The following PKHD1 variants were observed in gnomAD, a reference collection of about 807,000 sequenced individuals.
The protein encoded by PKHD1 is fibrocystin.
In PKHD1, 291 loss-of-function variants were observed where a neutral mutation model predicts 412.0. The observed-to-expected ratio is 0.71, with a 90% confidence interval of 0.64 to 0.78. The LOEUF (loss-of-function observed/expected upper bound fraction) is 0.78. Among genes scored for constraint, PKHD1 ranks in the 30% least tolerant of loss-of-function variants. The probability of loss-of-function intolerance (pLI) is 0.00; values close to 1 mark genes in which losing one functional copy is unlikely to be tolerated. For synonymous variants in PKHD1, 1,777 were observed against 1,821.5 expected (o/e 0.98, Z 0.62); for missense variants, 4,825 against 4,950.7 (o/e 0.97, Z 0.76).
intron 55 of PKHD1, among the ~76,000 whole-genome samples, chr6:51,759,874 G>C (rs1257235822): frequency 6.6e-6 from 1 of 152,070 alleles, no homozygotes; most frequent in Non-Finnish European, 1.5e-5. Context: ...ACTAGAATTA[G>C]TCTGCCTGCC....
intron 51 of PKHD1, among the ~76,000 whole-genome samples, chr6:51,835,679 T>A (rs1769080658): frequency 6.6e-6 from 1 of 152,184 alleles, no homozygotes; most frequent in Non-Finnish European, 1.5e-5. Flanking sequence ...CATAGTCCAA[T>A]AAGCATGGAG....
intron 37 of PKHD1, among the ~76,000 whole-genome samples, chr6:51,929,022 AG>A (rs760624464): frequency 6.6e-6 from 1 of 152,198 alleles, no homozygotes; most frequent in Non-Finnish European, 1.5e-5. Context: ...ATCTAGCTCA[AG>A]GGAACGAGAG....
chr6:52,059,045 C>T (rs1401727327), intron 15 of PKHD1, among the ~76,000 whole-genome samples: 1 of 152,174 alleles, frequency 6.6e-6, no homozygotes, highest in Non-Finnish European at 1.5e-5. Context: ...TTGTCAATAG[C>T]ATAAGTGCAT....
intron 57 of PKHD1, among the ~76,000 whole-genome samples, chr6:51,750,342 G>A (rs78593713): frequency 3.2e-4 from 48 of 152,266 alleles, no homozygotes; most frequent in East Asian, 5.8e-4. Flanking sequence ...AACCTGCTTC[G>A]TAGAACTTTG....
At chr6:52,017,167 GA>G (rs1214579692) in intron 34 of PKHD1, among the ~76,000 whole-genome samples, 1 of 152,188 alleles carries the variant, frequency 6.6e-6, no homozygotes, top group African/African-American at 2.4e-5. Context: ...ATCTAAGCAA[GA>G]ACAAAGCGAG....
At chr6:51,806,368 C>G (rs1023281896) in intron 52 of PKHD1, among the ~76,000 whole-genome samples, 1 of 151,998 alleles carries the variant, frequency 6.6e-6, no homozygotes, top group Non-Finnish European at 1.5e-5. Context: ...CAAGAACAAC[C>G]CTGAGCAATT....
intron 33 of PKHD1, among the ~76,000 whole-genome samples, chr6:52,022,393 C>T (rs1015059150): frequency 1.3e-5 from 2 of 152,178 alleles, no homozygotes; most frequent in African/African-American, 2.4e-5. Flanking sequence ...ATCTCCATCC[C>T]TTTACTGGTA....
chr6:51,791,438 G>T lies in PKHD1; in HGVS notation c.8303-65C>A, dbSNP rs7765455. 0.63 allele frequency: 939,406 copies of T among 1,502,732 alleles called. 296,655 individuals are homozygous for T. Among genetic ancestry groups the T allele is most frequent in the East Asian group, 0.82 (36,137 of 44,054 alleles). 93.1% of individuals were successfully genotyped at this position (1,502,732 alleles called of 1,614,324 possible). A position where few individuals can be genotyped will look rare whatever the true frequency, so the allele number is the denominator to read the frequency against. On this transcript the variant is annotated intron_variant, in intron 52 of 66. Transcript: ENST00000371117. ...ACAAGAATTACGTGTTTATTCTGGG[G>T]TTCTCCCAGCAGTTTGGGAGCTGTG... is the stretch of plus-strand genomic sequence containing the variant.
At chr6:51,721,986 C>T (rs1781981872) in intron 60 of PKHD1, 1 of 1,613,580 alleles carries the variant, frequency 6.2e-7, no homozygotes, top group Non-Finnish European at 8.5e-7. Context: ...GGCTCCTCCT[C>T]TATTCTGAAA....
At position 51,744,562 on chromosome 6, in the gene PKHD1, G is replaced by A; in HGVS notation, c.9999-20C>T. ...TCTTTCCTGTGAAGACAGTCAAAAA[G>A]CAACTCTTTCATTTCATGATAAGCA... On this transcript the variant is annotated intron_variant, in intron 59 of 66. Transcript: ENST00000371117. 6.2e-7 allele frequency: 1 copy of A among 1,600,936 alleles called. No individual in the cohort carries two copies. Among genetic ancestry groups the A allele is most frequent in the Non-Finnish European group, 8.6e-7 (1 of 1,168,328 alleles).
intron 60 of PKHD1, among the ~76,000 whole-genome samples, chr6:51,684,880 G>A (rs1777207096): frequency 6.6e-6 from 1 of 152,090 alleles, no homozygotes; most frequent in South Asian, 2.1e-4. Context: ...GACTTGCTCT[G>A]TGTCAAAGGC....
chr6:52,062,316 A>G (rs1165590174), intron 14 of PKHD1, among the ~76,000 whole-genome samples: 2 of 152,258 alleles, frequency 1.3e-5, no homozygotes, highest in African/African-American at 2.4e-5. Context: ...TGTGGAAAAT[A>G]TACATATTAC....
chr6:52,037,343 A>G (rs1167219654), intron 27 of PKHD1, among the ~76,000 whole-genome samples: 1 of 152,122 alleles, frequency 6.6e-6, no homozygotes, highest in Non-Finnish European at 1.5e-5. Flanking sequence ...TAAGTATTTT[A>G]GAAGTCCTGA....
intron 50 of PKHD1, among the ~76,000 whole-genome samples, chr6:51,837,233 C>A (rs1769386114): frequency 1.3e-5 from 2 of 152,136 alleles, no homozygotes; most frequent in South Asian, 4.1e-4. Flanking sequence ...TGGTTAATTA[C>A]CTTTCTGCCT....
intron 60 of PKHD1, among the ~76,000 whole-genome samples, chr6:51,728,552 G>A (rs146170415): frequency 5.9e-5 from 9 of 152,212 alleles, no homozygotes; most frequent in African/African-American, 1.2e-4. Flanking sequence ...CCGGTTACAC[G>A]ACCACAGTCC....
chr6:51,990,883 G>A (rs1562076363), intron 35 of PKHD1, among the ~76,000 whole-genome samples: 1 of 152,104 alleles, frequency 6.6e-6, no homozygotes, highest in Non-Finnish European at 1.5e-5. Context: ...AGGGCCTAGG[G>A]CAAGTCTCCT....
At chr6:51,757,737 C>T (rs2151036858) in intron 55 of PKHD1, among the ~76,000 whole-genome samples, 1 of 152,058 alleles carries the variant, frequency 6.6e-6, no homozygotes, top group East Asian at 1.9e-4. Context: ...TACAGTGCCT[C>T]TTGCCTTATA....
intron 35 of PKHD1, among the ~76,000 whole-genome samples, chr6:51,963,426 T>A (rs560137182): frequency 6.6e-6 from 1 of 152,272 alleles, no homozygotes; most frequent in South Asian, 2.1e-4. Context: ...TGTTTATTGA[T>A]GTACTCATGC....
chr6:51,875,027 T>C lies in PKHD1; in HGVS notation c.7351-4388A>G, dbSNP rs1346105460. Among the ~76,000 whole-genome samples, 3 of 49,332 alleles carry C rather than the reference T, an allele frequency of 6.1e-5. 1 individual carries two copies. Among genetic ancestry groups the C allele is most frequent in the African/African-American group, 2.8e-4 (3 of 10,792 alleles). The allele number at this position is 49,332 out of a possible 152,430, so 32.4% of individuals were successfully genotyped here. On this transcript the variant is annotated intron_variant, in intron 46 of 66. Coordinates refer to ENST00000371117, the MANE Select transcript of PKHD1 (RefSeq NM_138694.4). ...GGACGCACCTGGAAAATCGGGTCAC[T>C]CCCACCCAAATATTGCGCTTTTCAG... is the stretch of plus-strand genomic sequence containing the variant.
Sources: allele counts gnomAD v4.1 joint callset (sites outside exome capture counted in the v4.1 genomes callset), GRCh38; gene constraint gnomAD v4.1.1; transcripts MANE v1.5; gene names NCBI Gene and HGNC (gene_info 2026-07-23, HGNC 2026-07-21).